The following RBFOX2 variants were observed in gnomAD, a reference collection of about 807,000 sequenced individuals.
RBFOX2 encodes RNA binding protein fox-1 homolog 2.
RBFOX2 carries 10 observed loss-of-function variants against 49.1 expected under a neutral mutation model. The observed-to-expected ratio is 0.20, with a 90% confidence interval of 0.13 to 0.35. The LOEUF (loss-of-function observed/expected upper bound fraction) is 0.35, where lower values mean the gene tolerates loss of function less well. Ranked by LOEUF, RBFOX2 falls within the 10% of genes least tolerant of loss-of-function variation. The probability of loss-of-function intolerance (pLI) is 1.00; values close to 1 mark genes in which losing one functional copy is unlikely to be tolerated. For missense variants in RBFOX2, 323 were observed against 486.9 expected (o/e 0.66, Z 3.17); for synonymous variants, 183 against 187.4 (o/e 0.98, Z 0.19).
intron 2 of RBFOX2, among the ~76,000 whole-genome samples, chr22:35,792,534 C>T (rs559226400): frequency 1.3e-4 from 19 of 151,882 alleles, no homozygotes; most frequent in Admixed American, 3.9e-4. Flanking sequence ...TAATATTCAA[C>T]GAATTGAAAT....
At chr22:35,898,418 CCTTTT>C (rs1471999491) in intron 1 of RBFOX2, 2 of 377,330 alleles carry the variant, frequency 5.3e-6, no homozygotes, top group Non-Finnish European at 9.6e-6. Context: ...CTCCCACAAT[CCTTTT>C]TTTTTTTTTT....
upstream of RBFOX2, among the ~76,000 whole-genome samples, chr22:35,962,409 A>G (rs994814845): frequency 8.5e-5 from 13 of 152,208 alleles, no homozygotes; most frequent in African/African-American, 1.2e-4. Context: ...CAGGGATATT[A>G]TAAGAATTAC....
intron 4 of RBFOX2, among the ~76,000 whole-genome samples, chr22:35,776,218 CACAA>C (rs1943883372): frequency 6.6e-6 from 1 of 152,134 alleles, no homozygotes; most frequent in African/African-American, 2.4e-5. Flanking sequence ...ATAAAATAAA[CACAA>C]ACAATGCAAC....
At chr22:35,838,879 G>C (rs916147186) in intron 1 of RBFOX2, among the ~76,000 whole-genome samples, 2 of 152,132 alleles carry the variant, frequency 1.3e-5, no homozygotes, top group Non-Finnish European at 2.9e-5. Flanking sequence ...TTTCCTCTGG[G>C]TCCCAATGGG....
intron 1 of RBFOX2, among the ~76,000 whole-genome samples, chr22:35,975,007 T>C (rs1257122731): frequency 6.6e-6 from 1 of 152,188 alleles, no homozygotes; most frequent in African/African-American, 2.4e-5. Flanking sequence ...TCTCAAACTG[T>C]GAGGAGCAAC....
intron 2 of RBFOX2, among the ~76,000 whole-genome samples, chr22:35,788,909 A>G (rs947667135): frequency 3.9e-5 from 6 of 152,130 alleles, no homozygotes; most frequent in South Asian, 4.1e-4. Flanking sequence ...TCTTTCGGGA[A>G]GCTGTATTAT....
At chr22:35,824,780 A>C (rs1478970771) in intron 1 of RBFOX2, among the ~76,000 whole-genome samples, 1 of 152,264 alleles carries the variant, frequency 6.6e-6, no homozygotes, top group Non-Finnish European at 1.5e-5. Context: ...TGTGAAAGTC[A>C]AGTCAATGCT....
intron 9 of RBFOX2, among the ~76,000 whole-genome samples, chr22:35,751,736 A>G (rs2145973259): frequency 6.6e-6 from 1 of 152,328 alleles, no homozygotes; most frequent in Non-Finnish European, 1.5e-5. Flanking sequence ...TATGAAAAAA[A>G]TTTTAAAGTA....
At chr22:35,951,587 G>GT (rs2054945442) in intron 1 of RBFOX2, among the ~76,000 whole-genome samples, 1 of 152,080 alleles carries the variant, frequency 6.6e-6, no homozygotes, top group Non-Finnish European at 1.5e-5. Flanking sequence ...AAAGTACTGT[G>GT]TAGTCTCTCT....
At chr22:35,943,828 C>T (rs2053959045), upstream of RBFOX2, among the ~76,000 whole-genome samples, 2 of 152,176 alleles carry the variant, frequency 1.3e-5, no homozygotes, top group Admixed American at 6.5e-5. Flanking sequence ...TGGCATGAAC[C>T]CGGGAGGCAG....
At chr22:35,801,657 T>C (rs917065025) in intron 2 of RBFOX2, among the ~76,000 whole-genome samples, 2 of 152,040 alleles carry the variant, frequency 1.3e-5, no homozygotes, top group East Asian at 3.9e-4. Context: ...AAACCTCGTC[T>C]CTACTAAAAA....
chr22:35,949,389 T>G lies in RBFOX2; in HGVS notation c.43-10492A>C, dbSNP rs574342503. 3.3e-5 allele frequency among the ~76,000 whole-genome samples: 5 copies of G among 152,332 alleles called. No individual in the cohort carries two copies. The South Asian group carries it at 1.0e-3, about 32-fold the overall frequency. On this transcript the variant is annotated intron_variant, in intron 1 of 5. Coordinates refer to the RBFOX2 transcript ENST00000408983. The stretch of plus-strand genomic sequence containing the variant: ...TTCAAGTCCCTGCTTTCAATGCTTT[T>G]GGGTAAATATTCAGAAGCAGAACTG...
chr22:35,945,247 A>G (rs2054147529), intron 1 of RBFOX2, among the ~76,000 whole-genome samples: 2 of 152,026 alleles, frequency 1.3e-5, no homozygotes, highest in South Asian at 2.1e-4. Flanking sequence ...CACACTGACT[A>G]AAAAAAAGCA....
intron 1 of RBFOX2, chr22:35,996,032 T>C (rs1603463965): frequency 1.3e-5 from 2 of 152,270 alleles, no homozygotes; most frequent in African/African-American, 2.4e-5. Flanking sequence ...CAACTGCAAC[T>C]AGGAGGGAAG....
chr22:35,795,846 A>C (rs1365127560), intron 2 of RBFOX2, among the ~76,000 whole-genome samples: 1 of 152,140 alleles, frequency 6.6e-6, no homozygotes, highest in South Asian at 2.1e-4. Context: ...CCTTGAATTC[A>C]AAGTCCTCTA....
At chr22:35,840,623 C>CGTGTGCGTGTGTGTGTGTGTGTGT (rs61338307), upstream of RBFOX2, 3 of 1,067,328 alleles carry the variant, frequency 2.8e-6, no homozygotes, top group African/African-American at 5.7e-5. Flanking sequence ...CGCGTGTGTG[C>CGTGTGCGTGTGTGTGTGTGTGTGT]GTGTGTGCGT....
intron 1 of RBFOX2, among the ~76,000 whole-genome samples, chr22:35,974,784 CCCCCTCATCT>C (rs1393949627): frequency 6.6e-5 from 10 of 152,138 alleles, no homozygotes; most frequent in Non-Finnish European, 1.5e-5. Context: ...GCAGGGCATC[CCCCCTCATCT>C]TATTGCCCTC....
intron 1 of RBFOX2, among the ~76,000 whole-genome samples, chr22:35,831,251 G>T (rs1306378750): frequency 6.6e-6 from 1 of 152,126 alleles, no homozygotes; most frequent in Non-Finnish European, 1.5e-5. Context: ...AGACCATCCT[G>T]GCTAACATGG....
At chr22:35,799,063 G>GT (rs1047833830) in intron 2 of RBFOX2, among the ~76,000 whole-genome samples, 3 of 152,134 alleles carry the variant, frequency 2.0e-5, no homozygotes, top group African/African-American at 7.2e-5. Flanking sequence ...GCACTTGCTA[G>GT]TAAGTGTTTG....
Sources: allele counts gnomAD v4.1 joint callset (sites outside exome capture counted in the v4.1 genomes callset), GRCh38; gene constraint gnomAD v4.1.1; transcripts MANE v1.5; gene names NCBI Gene and HGNC (gene_info 2026-07-23, HGNC 2026-07-21).